Variants in TOM1L2 observed in about 807,000 individuals in gnomAD.
The protein encoded by TOM1L2 is TOM1-like protein 2.
In TOM1L2, 31 loss-of-function variants were observed where a neutral mutation model predicts 67.9. The ratio of observed to expected loss-of-function variants is 0.46; its 90% confidence interval spans 0.34 to 0.62. TOM1L2 has a LOEUF of 0.62. Among genes scored for constraint, TOM1L2 ranks in the 20% least tolerant of loss-of-function variants. The probability of loss-of-function intolerance (pLI) is 0.01; values close to 1 mark genes in which losing one functional copy is unlikely to be tolerated. For synonymous variants in TOM1L2, 256 were observed against 254.0 expected (o/e 1.01, Z -0.07); for missense variants, 606 against 663.5 (o/e 0.91, Z 0.95).
chr17:17,927,349 C>A (rs1052486698), intron 1 of TOM1L2, among the ~76,000 whole-genome samples: 1 of 152,190 alleles, frequency 6.6e-6, no homozygotes, highest in East Asian at 1.9e-4. Flanking sequence ...CCCTATGTGG[C>A]GCAAACCACA....
chr17:17,872,576 A>G (rs1353553147), intron 7 of TOM1L2, among the ~76,000 whole-genome samples: 3 of 152,226 alleles, frequency 2.0e-5, no homozygotes, highest in Admixed American at 2.0e-4. Context: ...AAAGAGGTCA[A>G]ACAAACTTCT....
chr17:17,971,712 AAGCGC>A (rs2042095356), intron 1 of TOM1L2, among the ~76,000 whole-genome samples: 1 of 152,228 alleles, frequency 6.6e-6, no homozygotes, highest in African/African-American at 2.4e-5. Flanking sequence ...GCATCTCCCA[AAGCGC>A]ATTGGGGAAG....
chr17:17,898,161 A>T (rs59334660), intron 3 of TOM1L2, among the ~76,000 whole-genome samples: 7,446 of 151,970 alleles, frequency 0.049, 518 homozygotes, highest in African/African-American at 0.15. Flanking sequence ...CCTGACCTTG[A>T]GATCCTCCCG....
chr17:17,851,168 A>C, intron 12 of TOM1L2: 1 of 566,226 alleles, frequency 1.8e-6, no homozygotes. Context: ...AATGATAAGA[A>C]GCAGGCTCCC....
intron 1 of TOM1L2, among the ~76,000 whole-genome samples, chr17:17,970,191 A>C (rs2042014067): frequency 6.6e-6 from 1 of 151,264 alleles, no homozygotes; most frequent in Admixed American, 6.6e-5. Context: ...AGTAGCTGGG[A>C]CTACAGGCGC....
intron 4 of TOM1L2, among the ~76,000 whole-genome samples, chr17:17,888,453 A>G (rs1208015172): frequency 6.6e-6 from 1 of 152,224 alleles, no homozygotes; most frequent in Non-Finnish European, 1.5e-5. Flanking sequence ...GATTTAAACT[A>G]TGGGCTCTGG....
At chr17:17,899,283 C>T (rs905692448) in intron 2 of TOM1L2, among the ~76,000 whole-genome samples, 9 of 152,158 alleles carry the variant, frequency 5.9e-5, no homozygotes, top group Admixed American at 1.3e-4. Context: ...CCTGGATGCC[C>T]GGCTCTTCCT....
At chr17:17,902,529 C>G (rs942688530) in intron 2 of TOM1L2, among the ~76,000 whole-genome samples, 12 of 152,222 alleles carry the variant, frequency 7.9e-5, no homozygotes, top group African/African-American at 2.4e-4. Context: ...GCCTCAGTTT[C>G]CTTAACACTG....
intron 3 of TOM1L2, among the ~76,000 whole-genome samples, chr17:17,897,567 A>G (rs2038634917): frequency 6.6e-6 from 1 of 152,228 alleles, no homozygotes; most frequent in African/African-American, 2.4e-5. Flanking sequence ...CAAGACAGAA[A>G]TAACACCTGA....
intron 3 of TOM1L2, among the ~76,000 whole-genome samples, chr17:17,895,089 A>G (rs1171862336): frequency 1.3e-5 from 2 of 152,196 alleles, no homozygotes; most frequent in Non-Finnish European, 2.9e-5. Flanking sequence ...GCTGCTGTAC[A>G]CACGACGAAG....
At position 17,869,440 on chromosome 17, in the gene TOM1L2, GCTGCTGCATGGCC is replaced by G. The variant is rs1221866022; in HGVS notation, c.798_810del (p.Met268SerfsTer20). 4.3e-6 allele frequency: 7 copies of G among 1,612,362 alleles called. No individual in the cohort carries two copies. Among genetic ancestry groups the G allele is most frequent in the Non-Finnish European group, 8.5e-7 (1 of 1,179,500 alleles). ...ACGCGGGAGATGAGCTCCACGATGCGCTGCTGCATGGCCCGACAGGTCCTGTTGAGCTCCTAGG... is the reference window on the plus strand; with the variant it reads ...ACGCGGGAGATGAGCTCCACGATGCGCGACAGGTCCTGTTGAGCTCCTAGG... On this transcript the variant is annotated frameshift_variant, in exon 8 of 15. Coordinates refer to ENST00000379504, the MANE Select transcript of TOM1L2 (RefSeq NM_001082968.2). LOFTEE classifies it high-confidence loss of function.
At chr17:17,907,322 C>T (rs1193859765) in intron 2 of TOM1L2, 125 bp downstream of exon 2, 3 of 777,420 alleles carry the variant, frequency 3.9e-6, no homozygotes, top group East Asian at 2.7e-5. Context: ...TCAGCTTATT[C>T]GATGCCAAAC....
intron 1 of TOM1L2, among the ~76,000 whole-genome samples, chr17:17,939,787 G>C (rs115181587): frequency 1.3e-5 from 2 of 152,184 alleles, no homozygotes; most frequent in African/African-American, 4.8e-5. Flanking sequence ...TGTAATGAAA[G>C]TATAAGTAAG....
At chr17:17,863,274 A>G (rs1323571776) in intron 10 of TOM1L2, 2 of 167,864 alleles carry the variant, frequency 1.2e-5, no homozygotes, top group African/African-American at 4.8e-5. Context: ...AGTAGACCAA[A>G]TTGAATCTGA....
chr17:17,881,719 G>A (rs2037732302), intron 6 of TOM1L2, among the ~76,000 whole-genome samples: 1 of 152,206 alleles, frequency 6.6e-6, no homozygotes, highest in Non-Finnish European at 1.5e-5. Flanking sequence ...AGAGTGAGCA[G>A]CAGAGCTGGG....
intron 1 of TOM1L2, among the ~76,000 whole-genome samples, chr17:17,936,568 GA>G (rs1340202770): frequency 5.9e-5 from 9 of 151,526 alleles, no homozygotes; most frequent in African/African-American, 1.7e-4. Context: ...TAATAGCAAG[GA>G]AAAAAAGAAA....
At chr17:17,909,654 A>G (rs1369318278) in intron 1 of TOM1L2, among the ~76,000 whole-genome samples, 2 of 152,212 alleles carry the variant, frequency 1.3e-5, no homozygotes, top group Non-Finnish European at 2.9e-5. Context: ...AGTTTGGGGA[A>G]AATGAAAGAG....
intron 4 of TOM1L2, among the ~76,000 whole-genome samples, chr17:17,889,022 T>A (rs1272913106): frequency 1.3e-5 from 2 of 152,204 alleles, no homozygotes; most frequent in African/African-American, 4.8e-5. Context: ...ACTCTCAATG[T>A]GTCTTTCCTC....
chr17:17,913,215 G>A (rs1254141685), intron 1 of TOM1L2, among the ~76,000 whole-genome samples: 1 of 150,300 alleles, frequency 6.7e-6, no homozygotes, highest in Non-Finnish European at 1.5e-5. Context: ...AGACGGGAGA[G>A]GGAGAGGGAG....
Sources: allele counts gnomAD v4.1 joint callset (sites outside exome capture counted in the v4.1 genomes callset), GRCh38; gene constraint gnomAD v4.1.1; transcripts MANE v1.5; gene names NCBI Gene and HGNC (gene_info 2026-07-23, HGNC 2026-07-21).